Variants in RGS12 observed in about 807,000 individuals in gnomAD.
The protein encoded by RGS12 is regulator of G protein signaling 12.
Under a neutral mutation model 120.1 loss-of-function variants are expected in RGS12, and 66 were observed. The ratio of observed to expected loss-of-function variants is 0.55; its 90% CI spans 0.45 to 0.67. The LOEUF (loss-of-function observed/expected upper bound fraction) is 0.67, where lower values mean the gene tolerates loss of function less well. Ranked by LOEUF, RGS12 falls within the 30% of genes least tolerant of loss-of-function variation. RGS12 has a pLI of 0.00. For synonymous variants in RGS12, 827 were observed against 804.7 expected (o/e 1.03, Z -0.47); for missense variants, 1,859 against 1,957.7 (o/e 0.95, Z 0.95).
At chr4:3,434,620 A>G (rs535849014) in intron 17 of RGS12, among the ~76,000 whole-genome samples, 2 of 152,292 alleles carry the variant, frequency 1.3e-5, no homozygotes, top group South Asian at 4.1e-4. Context: ...ACCCCTGCAC[A>G]GAAGCAGACG....
chr4:3,413,165 C>T (rs1349045479), intron 4 of RGS12: 1 of 103,784 alleles, frequency 9.6e-6, no homozygotes. Flanking sequence ...GGGACGGGGG[C>T]GCCCCCACAC....
At chr4:3,323,832 G>A (rs1725367648) in intron 2 of RGS12, 1 of 149,066 alleles carries the variant, frequency 6.7e-6, no homozygotes, top group South Asian at 2.1e-4. Flanking sequence ...AGGTTTTCTA[G>A]TTTATATTTT....
intron 1 of RGS12, among the ~76,000 whole-genome samples, chr4:3,295,116 G>A (rs532270630): frequency 1.7e-4 from 26 of 152,262 alleles, no homozygotes; most frequent in African/African-American, 5.5e-4. Flanking sequence ...GACCTGTGGC[G>A]CTGGGAGCTG....
chr4:3,306,153 C>G (rs1220047990), intron 1 of RGS12, among the ~76,000 whole-genome samples: 1 of 152,240 alleles, frequency 6.6e-6, no homozygotes, highest in Non-Finnish European at 1.5e-5. Context: ...TGAGGCCCAC[C>G]CTTCGTCTCT....
chr4:3,335,629 G>A lies in RGS12; in HGVS notation c.1882-7308G>A, dbSNP rs112416384. Among the ~76,000 whole-genome samples, 20 of 152,280 alleles carry A rather than the reference G, an allele frequency of 1.3e-4. 1 individual carries two copies. Among genetic ancestry groups the A allele is most frequent in the African/African-American group, 4.8e-4 (20 of 41,560 alleles). On this transcript the variant is annotated intron_variant, in intron 2 of 17. Coordinates refer to ENST00000336727, the MANE Select transcript of RGS12 (RefSeq NM_001394154.1). Reference sequence around the variant, plus strand: ...CAGTTTGCAGTTTGCCCAGCTCATTGCGCCAACCTTCTGGCCCCTCAGAAA... The same window carrying A: ...CAGTTTGCAGTTTGCCCAGCTCATTACGCCAACCTTCTGGCCCCTCAGAAA...
chr4:3,307,998 T>C (rs1724065299), intron 1 of RGS12, among the ~76,000 whole-genome samples: 1 of 152,220 alleles, frequency 6.6e-6, no homozygotes, highest in Non-Finnish European at 1.5e-5. Context: ...AGAGGAAGCG[T>C]GCAGGGGCTT....
At chr4:3,414,659 C>A in intron 5 of RGS12, 93 bp from the exon 6 acceptor site, 1 of 900,506 alleles carries the variant, frequency 1.1e-6, no homozygotes, top group Non-Finnish European at 1.8e-6. Context: ...GCTCACTGAG[C>A]AGCCAGTGAC....
chr4:3,386,714 C>A (rs909879834), intron 4 of RGS12, among the ~76,000 whole-genome samples: 6 of 152,184 alleles, frequency 3.9e-5, no homozygotes, highest in East Asian at 1.9e-4. Context: ...CACCCACCCG[C>A]CTGCCTGTGT....
At position 3,363,049 on chromosome 4, in the gene RGS12, A is replaced by ATG. The variant is rs371639853; in HGVS notation, c.1998+20009_1998+20010dup. Among the ~76,000 whole-genome samples the ATG allele has an allele frequency of 4.4e-3, 586 of 134,628 alleles. 3 individuals carry two copies. Among genetic ancestry groups the ATG allele is most frequent in the Middle Eastern group, 0.031 (6 of 194 alleles). The allele number at this position is 134,628 out of a possible 152,430, so 88.3% of individuals were successfully genotyped here. A position where few individuals can be genotyped will look rare whatever the true frequency, so the allele number is the denominator to read the frequency against. ...AAGGCCATTTGGAACGCGAGGGTGT[A>ATG]TGTGTGTGTGTGTGAAATAGTGTGT... is the stretch of plus-strand genomic sequence containing the variant. On this transcript the variant is annotated intron_variant, in intron 3 of 17. Transcript: ENST00000336727.
chr4:3,368,643 A>G (rs1578844377), intron 3 of RGS12, among the ~76,000 whole-genome samples: 1 of 61,006 alleles, frequency 1.6e-5, no homozygotes, highest in Admixed American at 2.7e-4. Context: ...TGTGTGTGGT[A>G]CGTGTGTGGG....
chr4:3,428,734 C>G lies in RGS12; in HGVS notation c.3565+23C>G, dbSNP rs553257302. 19 of 1,568,708 alleles carry G rather than the reference C, an allele frequency of 1.2e-5. No individual in the cohort carries two copies. In the East Asian group the frequency reaches 4.3e-4, roughly 35 times the overall value. ...AGGGTATGTGAACTTTTTAAAACTTCCACGTTTTTAGTAAATGCACAGTTA... is the reference window on the plus strand; with the variant it reads ...AGGGTATGTGAACTTTTTAAAACTTGCACGTTTTTAGTAAATGCACAGTTA... On this transcript the variant is annotated intron_variant, in intron 16 of 17. Transcript: ENST00000336727.
At chr4:3,434,374 C>T (rs947645478) in intron 17 of RGS12, among the ~76,000 whole-genome samples, 1 of 152,160 alleles carries the variant, frequency 6.6e-6, no homozygotes, top group Non-Finnish European at 1.5e-5. Flanking sequence ...TGGGTGGGGA[C>T]ACGGAGCCAA....
chr4:3,438,821 C>G (rs1383964140), intron 17 of RGS12, among the ~76,000 whole-genome samples: 1 of 152,056 alleles, frequency 6.6e-6, no homozygotes, highest in African/African-American at 2.4e-5. Flanking sequence ...CACTGACCAG[C>G]CGGAAAGAGG....
intron 3 of RGS12, among the ~76,000 whole-genome samples, chr4:3,343,996 C>A (rs567822263): frequency 6.6e-6 from 1 of 152,348 alleles, no homozygotes; most frequent in East Asian, 1.9e-4. Context: ...TCGATAGACA[C>A]TCAGTGGGAG....
At chr4:3,363,187 A>G (rs1056079999) in intron 3 of RGS12, among the ~76,000 whole-genome samples, 11 of 152,032 alleles carry the variant, frequency 7.2e-5, no homozygotes, top group African/African-American at 2.7e-4. Context: ...GTGAGTGTGC[A>G]TGGCAAGGCT....
chr4:3,330,617 G>A (rs1015633691), intron 2 of RGS12, among the ~76,000 whole-genome samples: 2 of 152,024 alleles, frequency 1.3e-5, no homozygotes, highest in African/African-American at 4.8e-5. Flanking sequence ...TGTTGACAAT[G>A]GAGTAAAAAA....
chr4:3,378,176 A>T (rs192217171), intron 3 of RGS12: 26 of 152,356 alleles, frequency 1.7e-4, no homozygotes, highest in African/African-American at 5.5e-4. Context: ...ACAGTGGTCC[A>T]CATGTGCCAG....
chr4:3,349,294 C>G (rs1714133366), intron 3 of RGS12, among the ~76,000 whole-genome samples: 1 of 152,194 alleles, frequency 6.6e-6, no homozygotes, highest in Non-Finnish European at 1.5e-5. Flanking sequence ...TTAAGCCTTT[C>G]TGCTTTGTTC....
Position 3,433,758 on chromosome 4 carries a change from C to T in RGS12, c.4114+2803C>T, listed in dbSNP as rs537342544. On this transcript the variant is annotated intron_variant, in intron 17 of 17. Transcript: ENST00000336727. This position sits in a 1 kb window ranked among gnomAD's most constrained non-coding sequence, Gnocchi z 4.4. ...TCTAGCCCCAGCGCCACACGCCACG[C>T]GGCACTCCACCCCGTCTGTCTAGCC... Among the ~76,000 whole-genome samples the T allele has an allele frequency of 2.0e-5, 3 of 151,334 alleles. No individual in the cohort carries two copies. Among genetic ancestry groups the T allele is most frequent in the Non-Finnish European group, 2.9e-5 (2 of 67,858 alleles).
Sources: gnomAD v4.1 joint callset for allele counts (sites outside exome capture counted in the v4.1 genomes callset) on GRCh38, gnomAD v4.1.1 for gene constraint, Gnocchi (gnomAD v3.1) non-coding constraint, MANE v1.5 for transcripts, NCBI Gene and HGNC (gene_info 2026-07-23, HGNC 2026-07-21) for gene names.